The following CDH18 variants were observed in gnomAD, a reference collection of about 807,000 sequenced individuals.
CDH18 encodes the protein cadherin 18.
CDH18 carries 31 observed loss-of-function variants against 67.9 expected under a neutral mutation model. The ratio of observed to expected loss-of-function variants is 0.46; its 90% CI spans 0.34 to 0.62. The LOEUF is 0.62. CDH18 is among the 20% of genes least tolerant of loss of function. The probability of loss-of-function intolerance (pLI) is 0.01; values close to 1 mark genes in which losing one functional copy is unlikely to be tolerated. For synonymous variants in CDH18, 362 were observed against 347.2 expected, an observed-to-expected ratio of 1.04 and a Z score of -0.48; for missense variants, 890 against 975.5, an observed-to-expected ratio of 0.91 and a Z score of 1.17.
chr5:19,949,203 G>A (rs1159234195), intron 2 of CDH18, among the ~76,000 whole-genome samples: 1 of 152,084 alleles, frequency 6.6e-6, no homozygotes, highest in Admixed American at 6.6e-5. Flanking sequence ...ACTCCGAAAT[G>A]GGTTTTGCTT....
chr5:20,403,041 G>T (rs529183710), intron 1 of CDH18, among the ~76,000 whole-genome samples: 2 of 150,152 alleles, frequency 1.3e-5, no homozygotes, highest in Admixed American at 6.6e-5. Context: ...AAAATAGCGA[G>T]GTGTGGTGGC....
At chr5:19,650,328 A>G (rs1254227065) in intron 5 of CDH18, among the ~76,000 whole-genome samples, 3 of 152,232 alleles carry the variant, frequency 2.0e-5, no homozygotes, top group Non-Finnish European at 4.4e-5. Context: ...AGACAGATAA[A>G]GCACTAATAT....
intron 5 of CDH18, among the ~76,000 whole-genome samples, chr5:19,644,358 T>C (rs532665855): frequency 7.9e-4 from 120 of 151,910 alleles, no homozygotes; most frequent in Non-Finnish European, 1.4e-3. Context: ...ATAGATCCCA[T>C]CATGGTTTGA....
At chr5:19,637,920 T>C (rs1020684379) in intron 5 of CDH18, among the ~76,000 whole-genome samples, 1 of 152,208 alleles carries the variant, frequency 6.6e-6, no homozygotes, top group African/African-American at 2.4e-5. Context: ...CTGTGTACCA[T>C]GCTTTAATAA....
chr5:20,448,179 T>A (rs911841106), intron 1 of CDH18, among the ~76,000 whole-genome samples: 2 of 152,110 alleles, frequency 1.3e-5, no homozygotes, highest in Non-Finnish European at 2.9e-5. Flanking sequence ...GATAGTTTGC[T>A]GAGAATGATG....
chr5:20,248,125 C>G (rs1743527431), intron 2 of CDH18, among the ~76,000 whole-genome samples: 1 of 151,982 alleles, frequency 6.6e-6, no homozygotes, highest in South Asian at 2.1e-4. Flanking sequence ...TTTTTGAAGT[C>G]TCATAGAAGG....
chr5:20,294,455 T>C (rs983681148), intron 1 of CDH18, among the ~76,000 whole-genome samples: 5 of 152,216 alleles, frequency 3.3e-5, no homozygotes, highest in Admixed American at 6.5e-5. Context: ...AAAGGAGAGC[T>C]GGTAAGATGG....
intron 2 of CDH18, among the ~76,000 whole-genome samples, chr5:20,062,896 G>A (rs1318662205): frequency 6.6e-6 from 1 of 151,496 alleles, no homozygotes; most frequent in African/African-American, 2.4e-5. Flanking sequence ...TCAATTTATT[G>A]TTGTAAATTA....
At chr5:19,626,320 T>C (rs988148159) in intron 5 of CDH18, among the ~76,000 whole-genome samples, 2 of 152,118 alleles carry the variant, frequency 1.3e-5, no homozygotes, top group African/African-American at 4.8e-5. Context: ...CTGAAGTCAC[T>C]CAAGAAGAGC....
chr5:20,116,460 G>T (rs1747919342), intron 2 of CDH18, among the ~76,000 whole-genome samples: 1 of 151,780 alleles, frequency 6.6e-6, no homozygotes. Flanking sequence ...AGGTTACAGT[G>T]AGCTGAGATT....
intron 2 of CDH18, among the ~76,000 whole-genome samples, chr5:20,160,808 G>A (rs1056691735): frequency 6.6e-6 from 1 of 152,138 alleles, no homozygotes; most frequent in Non-Finnish European, 1.5e-5. Flanking sequence ...AATTGTAGTC[G>A]ATAACAGAGG....
At chr5:19,964,599 G>A (rs1231821636) in intron 2 of CDH18, among the ~76,000 whole-genome samples, 1 of 149,624 alleles carries the variant, frequency 6.7e-6, no homozygotes, top group Non-Finnish European at 1.5e-5. Flanking sequence ...CAGTGAGTGG[G>A]ATTGTGCCAC....
chr5:20,501,556 A>AT (rs1491463446), intron 1 of CDH18, among the ~76,000 whole-genome samples: 23 of 58,436 alleles, frequency 3.9e-4, no homozygotes, highest in African/African-American at 1.4e-3. Flanking sequence ...TTATATATAT[A>AT]ATATATATAT....
At chr5:20,397,699 T>C (rs990746833) in intron 1 of CDH18, among the ~76,000 whole-genome samples, 1 of 152,102 alleles carries the variant, frequency 6.6e-6, no homozygotes, top group African/African-American at 2.4e-5. Context: ...GAGAGTAAAA[T>C]GGGTGAAATT....
At chr5:19,571,857 T>C (rs1172579346) in intron 7 of CDH18, 25 bp from the exon 8 acceptor site, 5 of 1,570,432 alleles carry the variant, frequency 3.2e-6, no homozygotes, top group Non-Finnish European at 3.5e-6. Flanking sequence ...AATAAGATTA[T>C]GACTTTTATA....
At chr5:19,875,691 T>A (rs572442760) in intron 2 of CDH18, among the ~76,000 whole-genome samples, 1 of 152,008 alleles carries the variant, frequency 6.6e-6, no homozygotes, top group African/African-American at 2.4e-5. Context: ...GAATCTTTTA[T>A]ATTGTTGAAT....
chr5:20,345,310 A>T (rs1032176968), intron 1 of CDH18, among the ~76,000 whole-genome samples: 3 of 152,104 alleles, frequency 2.0e-5, no homozygotes, highest in African/African-American at 7.2e-5. Context: ...TTCTGTGGTA[A>T]TTCTCACGAT....
At chr5:20,532,326 T>A (rs558356729) in intron 1 of CDH18, among the ~76,000 whole-genome samples, 65 of 152,252 alleles carry the variant, frequency 4.3e-4, no homozygotes, top group Non-Finnish European at 6.9e-4. Context: ...TCTTATACTT[T>A]CTAAAGCAGT....
At chr5:19,684,204 G>A (rs1203383853) in intron 5 of CDH18, among the ~76,000 whole-genome samples, 1 of 151,866 alleles carries the variant, frequency 6.6e-6, no homozygotes, top group African/African-American at 2.4e-5. Flanking sequence ...TTAACCATGG[G>A]AGAATTTAGG....
Sources: allele counts gnomAD v4.1 joint callset (sites outside exome capture counted in the v4.1 genomes callset), GRCh38; gene constraint gnomAD v4.1.1; transcripts MANE v1.5; gene names NCBI Gene and HGNC (gene_info 2026-07-23, HGNC 2026-07-21).